Variants in GEMIN5 observed in about 807,000 individuals in gnomAD.
GEMIN5 encodes the protein gem nuclear organelle associated protein 5.
GEMIN5 carries 124 observed loss-of-function variants against 176.9 expected under a neutral mutation model. The ratio of observed to expected loss-of-function variants is 0.70; its 90% confidence interval spans 0.61 to 0.81. The LOEUF is 0.81. GEMIN5 is among the 40% of genes least tolerant of loss of function. GEMIN5 has a pLI of 0.00. For synonymous variants in GEMIN5, 673 were observed against 665.2 expected (o/e 1.01, Z -0.18); for missense variants, 1,843 against 1,814.6 (o/e 1.02, Z -0.28).
chr5:154,907,806 A>G lies in GEMIN5; in HGVS notation c.2180T>C (p.Ile727Thr), dbSNP rs746396543. Residue 727 changes from isoleucine to threonine, a missense_variant, in exon 16 of 28, where the codon ATT (isoleucine) becomes ACT (threonine). Ile to Thr is a moderately conservative substitution (Grantham distance 89). Coordinates refer to ENST00000285873, the MANE Select transcript of GEMIN5 (RefSeq NM_015465.5). The stretch of plus-strand genomic sequence containing the variant: ...AGAGAGCCGTTTTTTCTCCAATTCA[A>G]TACTTTTTTTGCCTACAAGAATCAC... ...HSRPPQGKKS[I>T]ELEKKRLSQP... 6 of 1,612,598 alleles carry G rather than the reference A, an allele frequency of 3.7e-6. No homozygotes were observed. The East Asian group carries it at 8.9e-5, about 24-fold the overall frequency.
intron 5 of GEMIN5, among the ~76,000 whole-genome samples, chr5:154,930,610 A>G (rs915103809): frequency 6.6e-6 from 1 of 152,218 alleles, no homozygotes; most frequent in Non-Finnish European, 1.5e-5. Context: ...TATCATATGT[A>G]TAACTTCACT....
chr5:154,890,826 C>T (rs1582646609), intron 26 of GEMIN5, among the ~76,000 whole-genome samples: 4 of 151,996 alleles, frequency 2.6e-5, no homozygotes. Context: ...TGCACTGGTG[C>T]GATTTTGACT....
intron 2 of GEMIN5, 37 bp downstream of exon 2, chr5:154,936,988 G>A: frequency 1.3e-6 from 2 of 1,568,366 alleles, no homozygotes; most frequent in Non-Finnish European, 8.7e-7. Context: ...AGCACAGATA[G>A]ATAAAAACGG....
At chr5:154,915,453 C>T (rs1468761395) in intron 13 of GEMIN5, among the ~76,000 whole-genome samples, 1 of 152,156 alleles carries the variant, frequency 6.6e-6, no homozygotes, top group Non-Finnish European at 1.5e-5. Context: ...TATGGTTTTC[C>T]AGGTGCCGAA....
intron 19 of GEMIN5, among the ~76,000 whole-genome samples, 187 bp downstream of exon 19, chr5:154,902,893 A>G (rs1406661503): frequency 6.6e-6 from 1 of 152,204 alleles, no homozygotes; most frequent in African/African-American, 2.4e-5. Flanking sequence ...TGAATGCTGT[A>G]TGTTTAGGAT....
intron 8 of GEMIN5, among the ~76,000 whole-genome samples, chr5:154,924,882 G>A (rs890855170): frequency 1.3e-5 from 2 of 151,902 alleles, no homozygotes; most frequent in African/African-American, 2.4e-5. Context: ...CCAGCTACTC[G>A]GGAGGCTGAG....
intron 23 of GEMIN5, among the ~76,000 whole-genome samples, chr5:154,897,925 T>G (rs1259965970): frequency 6.7e-6 from 1 of 149,600 alleles, no homozygotes; most frequent in East Asian, 1.9e-4. Flanking sequence ...TTTTTTTTTT[T>G]TTTTTTGAGA....
chr5:154,917,128 T>C lies in GEMIN5; in HGVS notation c.1725A>G (p.Gln575=). Residue 575 remains glutamine (Q), a synonymous_variant, in exon 13 of 28, where the codon CAA becomes CAG. Transcript: ENST00000285873. Reference sequence around the variant, plus strand: ...TGGTATTCACAAGCTTGTGATGCTGTTGGATAGTACAGATCAGTTTCAGGT... The same window carrying C: ...TGGTATTCACAAGCTTGTGATGCTGCTGGATAGTACAGATCAGTTTCAGGT... ...IPNLKLICTI[Q]QHHKLVNTIS... The C allele has an allele frequency of 1.2e-6, 2 of 1,605,122 alleles. No homozygotes were observed. Among genetic ancestry groups the C allele is most frequent in the South Asian group, 1.1e-5 (1 of 90,236 alleles).
In GEMIN5 at chr5:154,888,321, G is replaced by A. The variant is rs961473158; in HGVS notation, c.4416C>T (p.Ser1472=). The A allele has an allele frequency of 2.5e-6, 4 of 1,614,028 alleles. No homozygotes were observed. The African/African-American group carries it at 5.3e-5, about 22-fold the overall frequency. The change falls in exon 28 of 28, where the codon TCC becomes TCT. Residue 1472 remains serine (S), a synonymous_variant. Coordinates refer to ENST00000285873, the MANE Select transcript of GEMIN5 (RefSeq NM_015465.5). The stretch of plus-strand genomic sequence containing the variant: ...CCTGGGCCAGACAGCCAGGAAAGTG[G>A]GACCTGATGAGAAGCAGGACGAGGC... ...ECCLVLLLIR[S]HFPGCLAQEM...
chr5:154,921,508 T>C (rs1162599022), intron 9 of GEMIN5, 83 bp from the exon 10 acceptor site: 1 of 701,154 alleles, frequency 1.4e-6, no homozygotes. Flanking sequence ...TTCTAAAAGG[T>C]CCCCATTATA....
intron 13 of GEMIN5, among the ~76,000 whole-genome samples, chr5:154,915,728 T>A (rs898459168): frequency 6.6e-6 from 1 of 152,118 alleles, no homozygotes; most frequent in African/African-American, 2.4e-5. Flanking sequence ...TCAGATGCAA[T>A]CAAACACGGG....
chr5:154,934,141 G>A (rs1469421447), intron 3 of GEMIN5, among the ~76,000 whole-genome samples: 1 of 151,938 alleles, frequency 6.6e-6, no homozygotes, highest in Admixed American at 6.6e-5. Context: ...TCACCCTCCT[G>A]AGTAGCTGGG....
intron 24 of GEMIN5, among the ~76,000 whole-genome samples, chr5:154,895,871 TA>T (rs547804719): frequency 1.3e-5 from 2 of 151,514 alleles, no homozygotes; most frequent in African/African-American, 4.9e-5. Context: ...TTCAAACAAC[TA>T]AAAAAAACAA....
Position 154,891,594 on chromosome 5 carries a change from T to A in GEMIN5, c.3909A>T (p.Val1303=). The change falls in exon 26 of 28, where the codon GTA becomes GTT. Residue 1303 remains valine (V), a synonymous_variant. Coordinates refer to ENST00000285873, the MANE Select transcript of GEMIN5 (RefSeq NM_015465.5). Reference sequence around the variant, plus strand: ...CAGAGAGTGTTCTGTGACCAGCCCTTACCCAGACACTGGAATTTGGGCAAG... The same window carrying A: ...CAGAGAGTGTTCTGTGACCAGCCCTAACCCAGACACTGGAATTTGGGCAAG... ...SRPCPNSSVW[V]RAGHRTLSVE... 1 of 1,614,158 alleles carries A rather than the reference T, an allele frequency of 6.2e-7. No homozygotes were observed. The highest frequency in any genetic ancestry group is 1.3e-5 in the African/African-American group (1 of 75,036).
chr5:154,933,485 A>G (rs1274625518), intron 3 of GEMIN5, among the ~76,000 whole-genome samples: 2 of 152,038 alleles, frequency 1.3e-5, no homozygotes, highest in African/African-American at 2.4e-5. Context: ...TTTTTACAAC[A>G]AAAAAATGCT....
chr5:154,892,399 A>T lies in GEMIN5; in HGVS notation c.3748T>A (p.Phe1250Ile). The change falls in exon 25 of 28, where the codon TTT (phenylalanine) becomes ATT (isoleucine). Residue 1250 changes from phenylalanine (F) to isoleucine (I), a missense_variant. Transcript: ENST00000285873. Reference sequence around the variant, plus strand: ...GGAAGTCACTTACCGTCAGGGAGAAAGGCTGAGTACACTTCCTGCATGATG... The same window carrying T: ...GGAAGTCACTTACCGTCAGGGAGAATGGCTGAGTACACTTCCTGCATGATG... Reference protein sequence around the residue: ...FTIMQEVYSAFLPDGCDHLRD... With the variant: ...FTIMQEVYSAILPDGCDHLRD... The T allele has an allele frequency of 6.2e-7, 1 of 1,613,666 alleles. No homozygotes were observed.
intron 14 of GEMIN5, among the ~76,000 whole-genome samples, 159 bp downstream of exon 14, chr5:154,912,740 T>A (rs950404972): frequency 6.7e-6 from 1 of 150,340 alleles, no homozygotes; most frequent in Non-Finnish European, 1.5e-5. Context: ...CTAGGCCCTA[T>A]GTGGAATGAA....
chr5:154,912,757 A>T (rs1024068726), intron 14 of GEMIN5, 142 bp downstream of exon 14: 1 of 658,412 alleles, frequency 1.5e-6, no homozygotes, highest in African/African-American at 1.8e-5. Context: ...TGAAACTAAA[A>T]TGCCTCCTAG....
intron 7 of GEMIN5, among the ~76,000 whole-genome samples, chr5:154,926,902 A>G (rs1205525042): frequency 6.6e-6 from 1 of 152,178 alleles, no homozygotes; most frequent in African/African-American, 2.4e-5. Flanking sequence ...ACAAAAAATT[A>G]GCTGGGCGTA....
Sources: gnomAD v4.1 joint callset for allele counts (sites outside exome capture counted in the v4.1 genomes callset) on GRCh38, gnomAD v4.1.1 for gene constraint, MANE v1.5 for transcripts, NCBI Gene and HGNC (gene_info 2026-07-23, HGNC 2026-07-21) for gene names.